FBXL17: variants seen among roughly 807,000 people sequenced by gnomAD.
FBXL17 encodes F-box/LRR-repeat protein 17.
A neutral mutation model predicts 66.2 loss-of-function variants in FBXL17; 22 were observed. That is an observed-to-expected ratio of 0.33 (90% confidence interval 0.24 to 0.47). FBXL17 has a LOEUF of 0.47. Among genes scored for constraint, FBXL17 ranks in the 20% least tolerant of loss-of-function variants. The probability of loss-of-function intolerance (pLI) is 1.00; values close to 1 mark genes in which losing one functional copy is unlikely to be tolerated. For missense variants in FBXL17, 878 were observed against 948.2 expected, an observed-to-expected ratio of 0.93 and a Z score of 0.97; for synonymous variants, 474 against 400.5, an observed-to-expected ratio of 1.18 and a Z score of -2.19.
intron 6 of FBXL17, among the ~76,000 whole-genome samples, chr5:108,126,664 C>CTCTCTCTCTCTCT (rs1561423141): frequency 1.4e-4 from 15 of 107,960 alleles, no homozygotes; most frequent in African/African-American, 4.5e-4. Context: ...TATATATATA[C>CTCTCTCTCTCTCT]ATATATATAT....
intron 7 of FBXL17, among the ~76,000 whole-genome samples, chr5:107,980,655 T>C (rs1479893438): frequency 1.1e-5 from 1 of 90,104 alleles, no homozygotes; most frequent in East Asian, 7.3e-4. Context: ...AATATATATA[T>C]ATATATATAT....
At chr5:107,948,492 C>T (rs968125624) in intron 7 of FBXL17, among the ~76,000 whole-genome samples, 1 of 152,148 alleles carries the variant, frequency 6.6e-6, no homozygotes, top group African/African-American at 2.4e-5. Flanking sequence ...CAGGGCCTAA[C>T]CATCTCTTGC....
rs566770085 is a variant in FBXL17, at chr5:108,159,360, T to C, written c.1745+26757A>G. Among the ~76,000 whole-genome samples, 5 of 152,338 alleles carry C rather than the reference T, an allele frequency of 3.3e-5. No individual in the cohort carries two copies. In the South Asian group the frequency reaches 1.0e-3, roughly 32 times the overall value. On this transcript the variant is annotated intron_variant, in intron 6 of 8. Transcript: ENST00000542267. ...AGTGTGATACAACCTGCATAGCATA[T>C]ACTACGGTGTGAATGTCTGTGTCCC...
chr5:108,181,318 C>G (rs1752994357), intron 6 of FBXL17, among the ~76,000 whole-genome samples: 1 of 152,154 alleles, frequency 6.6e-6, no homozygotes, highest in South Asian at 2.1e-4. Context: ...TCAGTGTCCT[C>G]TTTTCATAAA....
intron 6 of FBXL17, among the ~76,000 whole-genome samples, chr5:108,143,117 C>A (rs1401030595): frequency 6.6e-6 from 1 of 151,964 alleles, no homozygotes; most frequent in Non-Finnish European, 1.5e-5. Flanking sequence ...CGGTTCCATT[C>A]TGAAACCAAC....
intron 5 of FBXL17, among the ~76,000 whole-genome samples, chr5:108,218,836 C>T (rs949910362): frequency 2.0e-5 from 3 of 152,126 alleles, no homozygotes; most frequent in Admixed American, 6.6e-5. Context: ...AGCTCCTTAT[C>T]AGATATATGG....
At chr5:108,263,236 T>C (rs1756909377) in intron 4 of FBXL17, among the ~76,000 whole-genome samples, 1 of 152,136 alleles carries the variant, frequency 6.6e-6, no homozygotes, top group African/African-American at 2.4e-5. Flanking sequence ...AAGAGACTAC[T>C]ATCAACACGA....
At chr5:107,933,573 G>T (rs1008318898) in intron 7 of FBXL17, among the ~76,000 whole-genome samples, 3 of 152,058 alleles carry the variant, frequency 2.0e-5, no homozygotes, top group African/African-American at 7.2e-5. Context: ...AGGAATTTAT[G>T]GTAAGTATAC....
intron 7 of FBXL17, among the ~76,000 whole-genome samples, chr5:107,995,533 GA>G (rs954762478): frequency 6.7e-6 from 1 of 150,082 alleles, no homozygotes; most frequent in Non-Finnish European, 1.5e-5. Context: ...TTACTTTTAA[GA>G]AAAAAAAATG....
intron 4 of FBXL17, among the ~76,000 whole-genome samples, chr5:108,291,327 T>A (rs1423110122): frequency 2.0e-5 from 3 of 152,176 alleles, no homozygotes. Context: ...AAGTTAGGCA[T>A]CCTCTAAGTT....
chr5:108,371,394 T>C (rs1749030079), intron 1 of FBXL17, among the ~76,000 whole-genome samples: 1 of 152,208 alleles, frequency 6.6e-6, no homozygotes, highest in Admixed American at 6.5e-5. Context: ...ACTCCATCTT[T>C]CTAGCCAGAT....
intron 4 of FBXL17, among the ~76,000 whole-genome samples, chr5:108,326,444 A>T (rs1410237189): frequency 3.8e-5 from 5 of 131,920 alleles, no homozygotes; most frequent in African/African-American, 1.6e-4. Context: ...AATAAAAATT[A>T]AAAAAAAAAT....
intron 7 of FBXL17, among the ~76,000 whole-genome samples, chr5:107,934,400 C>A (rs1255862861): frequency 1.3e-5 from 2 of 152,078 alleles, no homozygotes; most frequent in African/African-American, 4.8e-5. Context: ...ACAGAATAAG[C>A]AGACATGATA....
rs185239937 is a variant in FBXL17 at position 108,194,404 on chromosome 5, C to T, written c.1615-8157G>A. Among the ~76,000 whole-genome samples, 303 of 152,228 alleles carry T rather than the reference C, an allele frequency of 2.0e-3. 1 individual carries two copies. The highest frequency in any genetic ancestry group is 4.6e-3 in the South Asian group (22 of 4,826). On this transcript the variant is annotated intron_variant, in intron 5 of 8. Transcript: ENST00000542267. ...AAAAAAGTCTTCGAAATATACTTGC[C>T]TTAATGCAAATTATTAACTAGGCAG...
In FBXL17 at chr5:108,382,072, G is replaced by A. The variant is rs113940029; in HGVS notation, c.-381C>T. 479 of 652,242 alleles carry A rather than the reference G, an allele frequency of 7.3e-4. No individual in the cohort carries two copies. The highest frequency in any genetic ancestry group is 1.4e-3 in the Middle Eastern group (2 of 1,444). 40.4% of individuals were successfully genotyped at this position (652,242 alleles called of 1,614,324 possible). On this transcript the variant is annotated 5_prime_UTR_variant, in exon 1 of 9. Coordinates refer to ENST00000542267, the MANE Select transcript of FBXL17 (RefSeq NM_001163315.3). The stretch of plus-strand genomic sequence containing the variant: ...CTCGGACCATTTTAACTGCGGATCC[G>A]CCGCCGGCGCGCGCACCCGCGACTC...
intron 4 of FBXL17, among the ~76,000 whole-genome samples, chr5:108,320,617 T>C (rs1056358483): frequency 1.3e-5 from 2 of 151,822 alleles, no homozygotes; most frequent in Non-Finnish European, 2.9e-5. Context: ...TATTTAAACA[T>C]TTAAATCTGA....
intron 6 of FBXL17, among the ~76,000 whole-genome samples, chr5:108,098,947 A>G (rs1749497167): frequency 1.3e-5 from 2 of 152,132 alleles, no homozygotes; most frequent in South Asian, 4.2e-4. Context: ...AGAATATAAG[A>G]TCAGTTACTT....
chr5:108,353,828 C>A (rs1747793467), intron 3 of FBXL17, among the ~76,000 whole-genome samples: 1 of 152,142 alleles, frequency 6.6e-6, no homozygotes, highest in African/African-American at 2.4e-5. Flanking sequence ...AAAACCTAAT[C>A]CTAAAACTAT....
intron 4 of FBXL17, among the ~76,000 whole-genome samples, chr5:108,286,565 C>T (rs1329902423): frequency 6.6e-6 from 1 of 151,832 alleles, no homozygotes; most frequent in African/African-American, 2.4e-5. Context: ...GAATAAAATA[C>T]CAAGGAATAC....
Sources: allele counts gnomAD v4.1 joint callset (sites outside exome capture counted in the v4.1 genomes callset), GRCh38; gene constraint gnomAD v4.1.1; transcripts MANE v1.5; gene names NCBI Gene and HGNC (gene_info 2026-07-23, HGNC 2026-07-21).